The following MED27 variants were observed in gnomAD, a reference collection of about 807,000 sequenced individuals.
MED27 encodes mediator complex subunit 27.
In MED27, 30 loss-of-function variants were observed where a neutral mutation model predicts 38.2. The observed-to-expected ratio is 0.79, with a 90% CI of 0.59 to 1.07. MED27 has a LOEUF of 1.07. MED27 is among the 50% of genes least tolerant of loss of function. The probability of loss-of-function intolerance (pLI) is 0.00; values close to 1 mark genes in which losing one functional copy is unlikely to be tolerated. For missense variants in MED27, 289 were observed against 397.5 expected (o/e 0.73, Z 2.32); for synonymous variants, 122 against 153.5 (o/e 0.79, Z 1.52).
chr9:131,938,202 G>A (rs1195293019), intron 4 of MED27, among the ~76,000 whole-genome samples: 2 of 152,020 alleles, frequency 1.3e-5, no homozygotes, highest in Non-Finnish European at 2.9e-5. Flanking sequence ...AACTCATCCT[G>A]GGTGACTGGC....
chr9:131,924,609 C>T (rs888473955), intron 4 of MED27, among the ~76,000 whole-genome samples: 5 of 152,134 alleles, frequency 3.3e-5, no homozygotes, highest in African/African-American at 1.2e-4. Context: ...TGAGATGCCA[C>T]CTGCATCATA....
chr9:132,079,647 G>A lies in MED27; in HGVS notation c.198C>T (p.Asp66=). ...FQDNLHSVNR[D]LNELERLSNL... is the part of the protein sequence containing the mutation. Reference sequence around the variant, plus strand: ...CCCCTTCAGCCGGTACCTACTTGAGGTCCCGGTTGACCGAATGTAAGTTGT... The same window carrying A: ...CCCCTTCAGCCGGTACCTACTTGAGATCCCGGTTGACCGAATGTAAGTTGT... Residue 66 remains aspartate, a synonymous_variant, in exon 1 of 8, where the codon GAC becomes GAT. Coordinates refer to ENST00000292035, the MANE Select transcript of MED27 (RefSeq NM_004269.4). 6.2e-7 allele frequency: 1 copy of A among 1,612,400 alleles called. No individual in the cohort carries two copies. Among genetic ancestry groups the A allele is most frequent in the Non-Finnish European group, 8.5e-7 (1 of 1,179,856 alleles).
At chr9:131,930,120 G>A (rs1013212460) in intron 4 of MED27, among the ~76,000 whole-genome samples, 9 of 152,156 alleles carry the variant, frequency 5.9e-5, no homozygotes, top group Non-Finnish European at 8.8e-5. Flanking sequence ...AAAAAATAGC[G>A]TTAAAGGGCA....
At chr9:131,976,060 G>T (rs1190810109) in intron 3 of MED27, among the ~76,000 whole-genome samples, 1 of 152,172 alleles carries the variant, frequency 6.6e-6, no homozygotes, top group Non-Finnish European at 1.5e-5. Context: ...TTCCACGAAG[G>T]GCTGTAAGGG....
intron 4 of MED27, among the ~76,000 whole-genome samples, chr9:131,921,243 G>A (rs545685692): frequency 9.9e-5 from 15 of 152,178 alleles, no homozygotes; most frequent in African/African-American, 2.2e-4. Context: ...TGCACCTGCC[G>A]CAAACTCACA....
intron 2 of MED27, among the ~76,000 whole-genome samples, chr9:132,045,849 G>C (rs571958775): frequency 6.6e-6 from 1 of 152,256 alleles, no homozygotes; most frequent in Admixed American, 6.5e-5. Context: ...GTAGGTTCTG[G>C]GAAACCTCCT....
In MED27 at chr9:131,992,952, C is replaced by T. The variant is rs150643845; in HGVS notation, c.479+21385G>A. ...TCATTCCATTATTATCCCCATTTGACAAATGAGAAGACTAATGGTGAGAGG... is the reference window on the plus strand; with the variant it reads ...TCATTCCATTATTATCCCCATTTGATAAATGAGAAGACTAATGGTGAGAGG... On this transcript the variant is annotated intron_variant, in intron 3 of 7. Transcript: ENST00000292035. Among the ~76,000 whole-genome samples, 793 of 152,288 alleles carry T rather than the reference C, an allele frequency of 5.2e-3. 14 individuals carry two copies. Among genetic ancestry groups the T allele is most frequent in the African/African-American group, 0.018 (732 of 41,558 alleles).
intron 4 of MED27, among the ~76,000 whole-genome samples, chr9:131,897,527 T>C (rs867198302): frequency 1.3e-5 from 2 of 152,360 alleles, no homozygotes; most frequent in South Asian, 2.1e-4. Context: ...GTGGGTGTCA[T>C]GGTTCTGCTT....
At chr9:131,915,612 T>G (rs1830275027) in intron 4 of MED27, among the ~76,000 whole-genome samples, 3 of 152,244 alleles carry the variant, frequency 2.0e-5, no homozygotes, top group African/African-American at 7.2e-5. Flanking sequence ...GGTAATTAAG[T>G]GCATGAACAA....
At chr9:131,970,540 A>T (rs980711730) in intron 3 of MED27, among the ~76,000 whole-genome samples, 2 of 152,254 alleles carry the variant, frequency 1.3e-5, no homozygotes, top group African/African-American at 4.8e-5. Flanking sequence ...AGGGACCACA[A>T]GCCGGTGAAA....
intron 5 of MED27, 122 bp downstream of exon 5, chr9:131,893,763 T>C: frequency 1.5e-6 from 1 of 686,482 alleles, no homozygotes; most frequent in East Asian, 2.7e-5. Flanking sequence ...CACTGACAAA[T>C]CTATGTTTGC....
At chr9:131,937,044 G>A (rs934570544) in intron 4 of MED27, among the ~76,000 whole-genome samples, 6 of 152,132 alleles carry the variant, frequency 3.9e-5, no homozygotes, top group Non-Finnish European at 8.8e-5. Flanking sequence ...TTCATCTCCA[G>A]AAAACACTTT....
At chr9:131,867,101 A>G (rs1449134157) in intron 6 of MED27, among the ~76,000 whole-genome samples, 1 of 152,086 alleles carries the variant, frequency 6.6e-6, no homozygotes. Context: ...GTTTCGTGTC[A>G]ATTTCCCTAC....
intron 2 of MED27, among the ~76,000 whole-genome samples, chr9:132,027,235 C>T (rs146652192): frequency 1.5e-3 from 227 of 152,224 alleles, no homozygotes; most frequent in Non-Finnish European, 2.4e-3. Context: ...CTCTGGTTAC[C>T]CAGGTAGTAA....
chr9:132,050,369 C>T (rs1251139918), intron 2 of MED27, among the ~76,000 whole-genome samples: 5 of 152,238 alleles, frequency 3.3e-5, no homozygotes, highest in African/African-American at 9.6e-5. Context: ...GTCCAGGTGC[C>T]GGGCTAAGGA....
intron 3 of MED27, among the ~76,000 whole-genome samples, chr9:132,009,747 G>A (rs1222979805): frequency 1.3e-5 from 2 of 152,214 alleles, no homozygotes; most frequent in Non-Finnish European, 2.9e-5. Flanking sequence ...AATGTTCATG[G>A]CTGTTAAAGC....
intron 6 of MED27, among the ~76,000 whole-genome samples, chr9:131,870,576 G>C (rs1232743832): frequency 6.6e-6 from 1 of 152,140 alleles, no homozygotes; most frequent in Non-Finnish European, 1.5e-5. Flanking sequence ...CCGACCTTCT[G>C]AACCCCAGCT....
Position 131,982,894 on chromosome 9 carries a change from G to A in MED27, c.479+31443C>T, listed in dbSNP as rs1291720351. 3.9e-5 allele frequency among the ~76,000 whole-genome samples: 6 copies of A among 152,164 alleles called. No individual in the cohort carries two copies. The highest frequency in any genetic ancestry group is 1.3e-4 in the Admixed American group (2 of 15,278). On this transcript the variant is annotated intron_variant, in intron 3 of 7. Coordinates refer to ENST00000292035, the MANE Select transcript of MED27 (RefSeq NM_004269.4). The surrounding 1 kb of genome is among the most constrained non-coding windows in gnomAD (Gnocchi z 4.3). ...TACAGAAACGGGTAGTAGGCTAGTG[G>A]GCCTTGGTTTGCCAATCACTGCTCT...
chr9:132,035,465 A>G (rs1463404911), intron 2 of MED27, among the ~76,000 whole-genome samples: 2 of 152,164 alleles, frequency 1.3e-5, no homozygotes, highest in Admixed American at 1.3e-4. Context: ...AGTGACAAAA[A>G]GGAGGACCAT....
Sources: gnomAD v4.1 joint callset for allele counts (sites outside exome capture counted in the v4.1 genomes callset) on GRCh38, gnomAD v4.1.1 for gene constraint, Gnocchi (gnomAD v3.1) non-coding constraint, MANE v1.5 for transcripts, NCBI Gene and HGNC (gene_info 2026-07-23, HGNC 2026-07-21) for gene names.